DAOA: variants seen among roughly 807,000 people sequenced by gnomAD.
DAOA encodes the protein D-amino acid oxidase regulator.
A neutral mutation model predicts 16.4 loss-of-function variants in DAOA; 15 were observed. The observed-to-expected ratio is 0.91, with a 90% CI of 0.61 to 1.41. The LOEUF is 1.41. Among genes scored for constraint, DAOA ranks in the 40% most tolerant of loss-of-function variants. DAOA has a pLI of 0.00. For missense variants in DAOA, 230 were observed against 176.8 expected, an observed-to-expected ratio of 1.30 and a Z score of -1.71; for synonymous variants, 75 against 59.1, an observed-to-expected ratio of 1.27 and a Z score of -1.23.
chr13:105,468,233 C>A (rs1876674592), intron 3 of DAOA, among the ~76,000 whole-genome samples: 1 of 152,254 alleles, frequency 6.6e-6, no homozygotes, highest in African/African-American at 2.4e-5. Context: ...TTAATTACAT[C>A]TATGAAGTCC....
At position 105,484,106 on chromosome 13, in the gene DAOA, C is replaced by T. The variant is rs1187433996; in HGVS notation, c.282-5795C>T. ...TGTAATGAATACCCAGATGTTCCAA[C>T]GTCATTTGTTGAAAATATGATATTG... is the stretch of plus-strand genomic sequence containing the variant. On this transcript the variant is annotated intron_variant, in intron 4 of 5. Coordinates refer to ENST00000375936, the MANE Select transcript of DAOA (RefSeq NM_172370.5). Among the ~76,000 whole-genome samples the T allele has an allele frequency of 3.3e-5, 5 of 152,088 alleles. No individual in the cohort carries two copies. The East Asian group carries it at 7.7e-4, about 23-fold the overall frequency.
chr13:105,490,448 G>A (rs1594123455), intron 5 of DAOA: 1 of 152,668 alleles, frequency 6.6e-6, no homozygotes, highest in East Asian at 1.9e-4. Flanking sequence ...TGAATAGTTA[G>A]TGAATTTATG....
chr13:105,483,646 T>A (rs1052682996), intron 4 of DAOA, among the ~76,000 whole-genome samples: 12 of 149,430 alleles, frequency 8.0e-5, no homozygotes, highest in African/African-American at 2.8e-4. Context: ...TCTCTACCCA[T>A]TTTTTTTCAG....
At position 105,481,284 on chromosome 13, in the gene DAOA, C is replaced by A. The variant is rs1021783453; in HGVS notation, c.281+8599C>A. On this transcript the variant is annotated intron_variant, in intron 4 of 5. Transcript: ENST00000375936. ...ATTTCATTTATTACTCCCAAGAAGT[C>A]TATGGTGAACATGCCATTATCATCC... Among the ~76,000 whole-genome samples, 7 of 152,112 alleles carry A rather than the reference C, an allele frequency of 4.6e-5. No homozygotes were observed. The East Asian group carries it at 1.3e-3, about 29-fold the overall frequency.
intron 4 of DAOA, among the ~76,000 whole-genome samples, chr13:105,479,524 G>C (rs193081604): frequency 6.6e-6 from 1 of 152,124 alleles, no homozygotes; most frequent in South Asian, 2.1e-4. Context: ...GCTTCTCTCC[G>C]ACTTCCTGAT....
At chr13:105,483,211 G>A (rs1386607987) in intron 4 of DAOA, among the ~76,000 whole-genome samples, 4 of 152,066 alleles carry the variant, frequency 2.6e-5, no homozygotes, top group South Asian at 2.1e-4. Context: ...TCGTTGAGTC[G>A]TATTCCACTG....
At chr13:105,484,861 G>C (rs1348858951) in intron 4 of DAOA, among the ~76,000 whole-genome samples, 1 of 152,100 alleles carries the variant, frequency 6.6e-6, no homozygotes, top group Non-Finnish European at 1.5e-5. Context: ...ATTGAAAGCA[G>C]ACAATATTGT....
intron 4 of DAOA, among the ~76,000 whole-genome samples, chr13:105,485,685 G>A (rs1464628039): frequency 6.6e-6 from 1 of 152,130 alleles, no homozygotes; most frequent in African/African-American, 2.4e-5. Flanking sequence ...TTATGACTGG[G>A]GTCCTTGTTG....
chr13:105,469,067 T>A (rs1257829932), intron 3 of DAOA, among the ~76,000 whole-genome samples: 1 of 152,218 alleles, frequency 6.6e-6, no homozygotes, highest in Non-Finnish European at 1.5e-5. Flanking sequence ...TGTTTCAGCA[T>A]GTATATAAGC....
chr13:105,484,788 C>T (rs571699737), intron 4 of DAOA, among the ~76,000 whole-genome samples: 7 of 152,144 alleles, frequency 4.6e-5, no homozygotes, highest in Middle Eastern at 3.4e-3. Context: ...AATTTGGATG[C>T]CTTTTATTTA....
At chr13:105,477,349 T>A (rs561185157) in intron 4 of DAOA, 1 of 152,342 alleles carries the variant, frequency 6.6e-6, no homozygotes, top group South Asian at 2.1e-4. Context: ...ATTAGTGATT[T>A]ACTTCTGGGT....
intron 3 of DAOA, among the ~76,000 whole-genome samples, chr13:105,471,610 C>G (rs187598456): frequency 8.2e-4 from 125 of 152,298 alleles, no homozygotes; most frequent in African/African-American, 2.9e-3. Flanking sequence ...TAAGCTCATA[C>G]AGATGTATCA....
chr13:105,485,619 A>G (rs899165288), intron 4 of DAOA, among the ~76,000 whole-genome samples: 4 of 152,232 alleles, frequency 2.6e-5, no homozygotes, highest in African/African-American at 9.6e-5. Flanking sequence ...ATTTAGAAAT[A>G]GGATATTTGC....
chr13:105,476,958 T>C (rs188425345), intron 4 of DAOA, among the ~76,000 whole-genome samples: 8 of 152,256 alleles, frequency 5.3e-5, no homozygotes, highest in Middle Eastern at 3.4e-3. Context: ...CTTACAGTTA[T>C]CTCTGTAAAT....
chr13:105,466,963 T>A lies in DAOA; in HGVS notation c.45-90T>A, dbSNP rs143238468. ...ATATGAAAGTGCTAAACCATACATG[T>A]TATATGCTCCATTGATGTTGCTTAT... On this transcript the variant is annotated intron_variant, in intron 2 of 5. Transcript: ENST00000375936. 5.3e-4 allele frequency: 784 copies of A among 1,469,696 alleles called. 1 individual carries two copies. The African/African-American group carries it at 0.01, about 19-fold the overall frequency. 91.0% of individuals were successfully genotyped at this position (1,469,696 alleles called of 1,614,324 possible). A position where few individuals can be genotyped will look rare whatever the true frequency, so the allele number is the denominator to read the frequency against.
chr13:105,479,764 T>C (rs1018821519), intron 4 of DAOA, among the ~76,000 whole-genome samples: 20 of 152,304 alleles, frequency 1.3e-4, no homozygotes, highest in African/African-American at 4.8e-4. Context: ...GGAAATGACA[T>C]AAATTTTGAG....
At position 105,486,743 on chromosome 13, in the gene DAOA, C is replaced by T. The variant is rs556182191; in HGVS notation, c.282-3158C>T. On this transcript the variant is annotated intron_variant, in intron 4 of 5. Coordinates refer to ENST00000375936, the MANE Select transcript of DAOA (RefSeq NM_172370.5). ...AAGCGATTCTCCTGCCCCAGCCTCC[C>T]GAGTAGCTGGGATTACAGGCATCCA... Among the ~76,000 whole-genome samples, 13 of 152,018 alleles carry T rather than the reference C, an allele frequency of 8.6e-5. No homozygotes were observed. In the South Asian group the frequency reaches 1.9e-3, roughly 22 times the overall value.
intron 3 of DAOA, among the ~76,000 whole-genome samples, chr13:105,467,991 G>C (rs1363033525): frequency 6.6e-6 from 1 of 152,070 alleles, no homozygotes; most frequent in East Asian, 1.9e-4. Flanking sequence ...GAGGCTCCAG[G>C]GCTGAGTCCA....
rs1878476096 is a variant in DAOA, at chr13:105,490,957, T to G, written c.*157T>G. 6.6e-6 allele frequency: 1 copy of G among 152,158 alleles called. No individual in the cohort carries two copies. Among genetic ancestry groups the G allele is most frequent in the African/African-American group, 2.4e-5 (1 of 41,440 alleles). The allele number at this position is 152,158 out of a possible 1,614,324, so 9.4% of individuals were successfully genotyped here. ...ACTCTCTGGTCAGTAAGTGATAAAA[T>G]GCCATTTCTATGCACCCACCTGGCC... On this transcript the variant is annotated 3_prime_UTR_variant, in exon 6 of 6. Transcript: ENST00000375936.
Sources: gnomAD v4.1 joint callset for allele counts (sites outside exome capture counted in the v4.1 genomes callset) on GRCh38, gnomAD v4.1.1 for gene constraint, MANE v1.5 for transcripts, NCBI Gene and HGNC (gene_info 2026-07-23, HGNC 2026-07-21) for gene names.